IFI44L: variants seen among roughly 807,000 people sequenced by gnomAD.
The protein encoded by IFI44L is interferon-induced protein 44-like.
A neutral mutation model predicts 39.3 loss-of-function variants in IFI44L; 40 were observed. The observed-to-expected ratio is 1.02, with a 90% CI of 0.79 to 1.33. The LOEUF is 1.33. IFI44L is among the 40% of genes most tolerant of loss of function. The pLI is 0.00. For synonymous variants in IFI44L, 198 were observed against 182.3 expected, an observed-to-expected ratio of 1.09 and a Z score of -0.69; for missense variants, 623 against 549.0, an observed-to-expected ratio of 1.13 and a Z score of -1.35.
In IFI44L at chr1:78,639,923, G is replaced by A. The variant is rs1213839530; in HGVS notation, c.1049-1098G>A. On this transcript the variant is annotated intron_variant, in intron 6 of 8. Coordinates refer to ENST00000370751, the MANE Select transcript of IFI44L (RefSeq NM_006820.4). ...TAGTTTTTAAATAGTAGTAAACTTT[G>A]ACCTCGAGAAAGGTAATTTAATTGC... Among the ~76,000 whole-genome samples the A allele has an allele frequency of 2.0e-5, 3 of 152,080 alleles. No individual in the cohort carries two copies. The East Asian group carries it at 5.8e-4, about 29-fold the overall frequency.
In IFI44L at chr1:78,641,933, C is replaced by G. The variant is rs1646992234; in HGVS notation, c.*124C>G. The G allele has an allele frequency of 4.6e-6, 5 of 1,096,516 alleles. No homozygotes were observed. The highest frequency in any genetic ancestry group is 7.0e-6 in the Non-Finnish European group (5 of 710,736). 67.9% of individuals were successfully genotyped at this position (1,096,516 alleles called of 1,614,324 possible). ...TTCGTTTTGCCTTCTGTCCTTGGAACAGTCATATCTCAAGTTCAAAGGCCA... is the reference window on the plus strand; with the variant it reads ...TTCGTTTTGCCTTCTGTCCTTGGAAGAGTCATATCTCAAGTTCAAAGGCCA... On this transcript the variant is annotated 3_prime_UTR_variant, in exon 9 of 9. Coordinates refer to ENST00000370751, the MANE Select transcript of IFI44L (RefSeq NM_006820.4).
intron 4 of IFI44L, among the ~76,000 whole-genome samples, chr1:78,632,187 G>T (rs1048810970): frequency 5.9e-5 from 9 of 152,032 alleles, no homozygotes; most frequent in Non-Finnish European, 8.8e-5. Context: ...TTCATACTTG[G>T]ATATTTGGCA....
chr1:78,621,620 C>A (rs1360790177), intron 1 of IFI44L, among the ~76,000 whole-genome samples: 1 of 151,926 alleles, frequency 6.6e-6, no homozygotes, highest in Non-Finnish European at 1.5e-5. Flanking sequence ...GCAACATTAT[C>A]TAGACTTTGG....
rs1647000285 is a variant in IFI44L, at chr1:78,642,583, A to AAAC, written c.*777_*779dup. The AAAC allele has an allele frequency of 6.6e-6, 1 of 151,822 alleles. No individual in the cohort carries two copies. Among genetic ancestry groups the AAAC allele is most frequent in the Non-Finnish European group, 1.5e-5 (1 of 67,948 alleles). 9.4% of individuals were successfully genotyped at this position (151,822 alleles called of 1,614,324 possible). On this transcript the variant is annotated 3_prime_UTR_variant, in exon 9 of 9. Transcript: ENST00000370751. ...GATCCTGGCTCAAAAAAACCAAATA[A>AAAC]AACAAAACAAACAAACGAAAAACAG...
At chr1:78,623,389 GTTTTTTGTTTTT>G (rs1652351205) in intron 1 of IFI44L, among the ~76,000 whole-genome samples, 2 of 19,950 alleles carry the variant, frequency 1.0e-4, no homozygotes, top group Non-Finnish European at 2.3e-4. Flanking sequence ...TGGTTTAAGT[GTTTTTTGTTTTT>G]TTTTTTTTTT....
At chr1:78,641,646 T>C (rs748660709) in intron 8 of IFI44L, 37 bp downstream of exon 8, 6 of 1,611,406 alleles carry the variant, frequency 3.7e-6, no homozygotes, top group Non-Finnish European at 5.1e-6. Context: ...CATAGATCAC[T>C]GGTGCCTTTT....
chr1:78,625,492 C>T (rs995628975), intron 1 of IFI44L, among the ~76,000 whole-genome samples: 3 of 151,984 alleles, frequency 2.0e-5, no homozygotes, highest in East Asian at 1.9e-4. Context: ...TTTTCTCTTA[C>T]GTTTTTGATT....
At chr1:78,641,413 T>G (rs1428626811) in intron 7 of IFI44L, 22 bp from the exon 8 acceptor site, 1 of 1,603,636 alleles carries the variant, frequency 6.2e-7, no homozygotes, top group African/African-American at 1.3e-5. Flanking sequence ...GGACTTACAC[T>G]TTTTAAATAT....
At chr1:78,623,018 G>A (rs969018834) in intron 1 of IFI44L, among the ~76,000 whole-genome samples, 13 of 152,294 alleles carry the variant, frequency 8.5e-5, no homozygotes, top group Admixed American at 2.0e-4. Flanking sequence ...GTCTCTAAAC[G>A]TATGAGAAAT....
In IFI44L at chr1:78,641,519, C is replaced by T; in HGVS notation, c.1234C>T (p.Pro412Ser). ...GNYASDLELD[P>S]MKDILILSAL... ...TTATGCTTCAGATTTGGAACTGGAC[C>T]CCATGAAGGATATTCTCATCCTCTC... The change falls in exon 8 of 9, where the codon CCC becomes TCC. Residue 412 changes from proline (P) to serine (S), a missense_variant. Coordinates refer to ENST00000370751, the MANE Select transcript of IFI44L (RefSeq NM_006820.4). The T allele has an allele frequency of 6.2e-7, 1 of 1,613,454 alleles. No individual in the cohort carries two copies. The highest frequency in any genetic ancestry group is 8.5e-7 in the Non-Finnish European group (1 of 1,179,626).
In IFI44L at chr1:78,644,752, A is replaced by G. The variant is rs1480943516; in HGVS notation, c.*2943A>G. 6.6e-6 allele frequency: 1 copy of G among 152,254 alleles called. No homozygotes were observed. The highest frequency in any genetic ancestry group is 1.9e-4 in the East Asian group (1 of 5,200). 9.4% of individuals were successfully genotyped at this position (152,254 alleles called of 1,614,324 possible). The stretch of plus-strand genomic sequence containing the variant: ...TTAGAAAAATAGTGCTAAGGAGTAT[A>G]GCAGATGACCTATATGTGTGTTGGC... On this transcript the variant is annotated 3_prime_UTR_variant, in exon 9 of 9. Coordinates refer to ENST00000370751, the MANE Select transcript of IFI44L (RefSeq NM_006820.4).
At chr1:78,639,444 C>T (rs1357953735) in intron 6 of IFI44L, among the ~76,000 whole-genome samples, 1 of 152,014 alleles carries the variant, frequency 6.6e-6, no homozygotes, top group Non-Finnish European at 1.5e-5. Flanking sequence ...CATGCTTTGA[C>T]TAGATGAAAC....
At chr1:78,633,936 T>A (rs1652846005) in intron 4 of IFI44L, among the ~76,000 whole-genome samples, 1 of 151,276 alleles carries the variant, frequency 6.6e-6, no homozygotes, top group Non-Finnish European at 1.5e-5. Flanking sequence ...ATGGGTGAAA[T>A]GAGAAATGAA....
intron 6 of IFI44L, among the ~76,000 whole-genome samples, 166 bp downstream of exon 6, chr1:78,637,369 C>T (rs1423712468): frequency 4.6e-5 from 7 of 152,162 alleles, no homozygotes; most frequent in Admixed American, 1.3e-4. Flanking sequence ...AAGAAAGACC[C>T]CAAATCCTAA....
chr1:78,622,184 G>A (rs143518221), intron 1 of IFI44L, among the ~76,000 whole-genome samples: 8 of 152,034 alleles, frequency 5.3e-5, no homozygotes, highest in Non-Finnish European at 7.4e-5. Context: ...GAGTGAGAAC[G>A]TGTGATATTT....
chr1:78,639,803 C>T (rs1467703145), intron 6 of IFI44L, among the ~76,000 whole-genome samples: 1 of 152,046 alleles, frequency 6.6e-6, no homozygotes, highest in Non-Finnish European at 1.5e-5. Flanking sequence ...TCCAAAGCCT[C>T]GTTGCTTACT....
Position 78,643,162 on chromosome 1 carries a change from T to TTTTTTTTTTTTTTTTTTTTGA in IFI44L, c.*1353_*1354insTTTTTTTTTTTTTTTTTTTGA, listed in dbSNP as rs1359225810. The TTTTTTTTTTTTTTTTTTTTGA allele has an allele frequency of 1.3e-5, 2 of 151,832 alleles. No individual in the cohort carries two copies. Among genetic ancestry groups the TTTTTTTTTTTTTTTTTTTTGA allele is most frequent in the Non-Finnish European group, 2.9e-5 (2 of 67,968 alleles). 9.4% of individuals were successfully genotyped at this position (151,832 alleles called of 1,614,324 possible). On this transcript the variant is annotated 3_prime_UTR_variant, in exon 9 of 9. Transcript: ENST00000370751. ...ATATTAAGAAAGCAAGAGTTTCTTA[T>TTTTTTTTTTTTTTTTTTTTGA]GTCCAGTTATGGAATATTTCCTAAA... is the stretch of plus-strand genomic sequence containing the variant.
rs967007984 is a variant in IFI44L at position 78,643,017 on chromosome 1, T to C, written c.*1208T>C. The C allele has an allele frequency of 6.6e-6, 1 of 152,010 alleles. No homozygotes were observed. The highest frequency in any genetic ancestry group is 1.9e-4 in the East Asian group (1 of 5,180). The allele number at this position is 152,010 out of a possible 1,614,324, so 9.4% of individuals were successfully genotyped here. A position where few individuals can be genotyped will look rare whatever the true frequency, so the allele number is the denominator to read the frequency against. On this transcript the variant is annotated 3_prime_UTR_variant, in exon 9 of 9. Transcript: ENST00000370751. The stretch of plus-strand genomic sequence containing the variant: ...TTTTTTTCCTTAAAGACTTCCTAAT[T>C]CTCTTCTCCAAATTCTTAGTCTTCT...
intron 1 of IFI44L, chr1:78,626,419 T>C (rs532728530): frequency 6.6e-6 from 1 of 152,194 alleles, no homozygotes; most frequent in Non-Finnish European, 1.5e-5. Context: ...TTTTCTATCA[T>C]GTTGTTTCAT....
Sources: gnomAD v4.1 joint callset for allele counts (sites outside exome capture counted in the v4.1 genomes callset) on GRCh38, gnomAD v4.1.1 for gene constraint, MANE v1.5 for transcripts, NCBI Gene and HGNC (gene_info 2026-07-23, HGNC 2026-07-21) for gene names.